GALNT12: variants seen among roughly 807,000 people sequenced by gnomAD.
GALNT12 encodes the protein polypeptide N-acetylgalactosaminyltransferase 12, also known as UDP-GalNAc:polypeptide N-acetylgalactosaminyltransferase 12.
A neutral mutation model predicts 55.5 loss-of-function variants in GALNT12; 45 were observed. That is an observed-to-expected ratio of 0.81 (90% CI 0.64 to 1.04). The LOEUF is 1.04. Among genes scored for constraint, GALNT12 ranks in the 50% least tolerant of loss-of-function variants. The pLI is 0.00. For synonymous variants in GALNT12, 304 were observed against 312.2 expected (o/e 0.97, Z 0.28); for missense variants, 709 against 754.8 (o/e 0.94, Z 0.71).
At chr9:98,842,519 T>C (rs915379002) in intron 7 of GALNT12, among the ~76,000 whole-genome samples, 11 of 152,088 alleles carry the variant, frequency 7.2e-5, no homozygotes, top group African/African-American at 2.4e-4. Context: ...TATATGAAAA[T>C]TGTTTTTGGC....
In GALNT12 at chr9:98,848,991, C is replaced by T. The variant is rs2118522703; in HGVS notation, c.1645C>T (p.Gln549Ter). The T allele has an allele frequency of 6.2e-7, 1 of 1,614,154 alleles. No homozygotes were observed. ...TCACGAACAGTCCAAGAAATGTGTCCAGGCTGCGAGGAAGGAGTCGAGTGA... is the reference window on the plus strand; with the variant it reads ...TCACGAACAGTCCAAGAAATGTGTCTAGGCTGCGAGGAAGGAGTCGAGTGA... ...LFHEQSKKCV[Q>*]AARKESSDSF... Residue 549 changes from glutamine (Q) to a stop codon, truncating the protein, a stop_gained, in exon 10 of 10, where the codon CAG becomes TAG. Coordinates refer to ENST00000375011, the MANE Select transcript of GALNT12 (RefSeq NM_024642.5). LOFTEE classifies it low-confidence loss of function (END_TRUNC).
At chr9:98,847,811 CTTTTTT>C (rs754967420) in intron 9 of GALNT12, among the ~76,000 whole-genome samples, 3 of 123,064 alleles carry the variant, frequency 2.4e-5, no homozygotes, top group Non-Finnish European at 1.7e-5. Flanking sequence ...AGGGCTGGAT[CTTTTTT>C]TTTTTTTTTT....
intron 1 of GALNT12, among the ~76,000 whole-genome samples, chr9:98,821,232 A>G (rs901126465): frequency 4.0e-5 from 6 of 151,838 alleles, no homozygotes; most frequent in African/African-American, 1.5e-4. Context: ...CTGGTCTCGA[A>G]CTCCTGGCCT....
intron 8 of GALNT12, among the ~76,000 whole-genome samples, 197 bp from the exon 9 acceptor site, chr9:98,845,780 G>A (rs1259528946): frequency 6.6e-6 from 1 of 152,094 alleles, no homozygotes; most frequent in Admixed American, 6.5e-5. Flanking sequence ...TTTCCTCCAC[G>A]CTCATGAAGC....
intron 1 of GALNT12, among the ~76,000 whole-genome samples, chr9:98,816,324 C>T (rs963695379): frequency 2.6e-5 from 4 of 151,104 alleles, no homozygotes; most frequent in Admixed American, 2.6e-4. Flanking sequence ...AAATGAAGAG[C>T]CCACCTAGAC....
In GALNT12 at chr9:98,849,669, C is replaced by CCG; in HGVS notation, c.*577_*578insCG. 1 of 408,038 alleles carries CCG rather than the reference C, an allele frequency of 2.5e-6. No homozygotes were observed. The highest frequency in any genetic ancestry group is 1.1e-4 in the South Asian group (1 of 9,048). The allele number at this position is 408,038 out of a possible 1,614,324, so 25.3% of individuals were successfully genotyped here. A position where few individuals can be genotyped will look rare whatever the true frequency, so the allele number is the denominator to read the frequency against. On this transcript the variant is annotated 3_prime_UTR_variant, in exon 10 of 10. Coordinates refer to ENST00000375011, the MANE Select transcript of GALNT12 (RefSeq NM_024642.5). Reference sequence around the variant, plus strand: ...GCTTTTTGGTTATGTGTTGCTACCACAGTTAACACTCCATAATGTTCATGT... The same window carrying CCG: ...GCTTTTTGGTTATGTGTTGCTACCACCGAGTTAACACTCCATAATGTTCATGT...
Position 98,849,009 on chromosome 9 carries a change from T to A in GALNT12, c.1663T>A (p.Ser555Thr). Residue 555 changes from serine to threonine, a missense_variant, in exon 10 of 10, where the codon TCG becomes ACG. By Grantham distance (58) the Ser-to-Thr change is moderately conservative (BLOSUM62 1). Transcript: ENST00000375011. ...ATGTGTCCAGGCTGCGAGGAAGGAG[T>A]CGAGTGACAGTTTCGTTCCACTCTT... ...KKCVQAARKESSDSFVPLLRD... is the reference protein window; with the variant it reads ...KKCVQAARKETSDSFVPLLRD... 1 of 1,613,892 alleles carries A rather than the reference T, an allele frequency of 6.2e-7. No homozygotes were observed. The highest frequency in any genetic ancestry group is 8.5e-7 in the Non-Finnish European group (1 of 1,179,956).
Position 98,807,990 on chromosome 9 carries a change from G to C in GALNT12, c.292G>C (p.Val98Leu), listed in dbSNP as rs749211809. 1 of 1,529,454 alleles carries C rather than the reference G, an allele frequency of 6.5e-7. No homozygotes were observed. Among genetic ancestry groups the C allele is most frequent in the South Asian group, 1.2e-5 (1 of 81,902 alleles). 94.7% of individuals were successfully genotyped at this position (1,529,454 alleles called of 1,614,324 possible). A position where few individuals can be genotyped will look rare whatever the true frequency, so the allele number is the denominator to read the frequency against. Residue 98 changes from valine to leucine, a missense_variant, in exon 1 of 10, where the codon GTG becomes CTG. Coordinates refer to ENST00000375011, the MANE Select transcript of GALNT12 (RefSeq NM_024642.5). ...GGAGCTGCGGCTGCAGGAGGAGAGCGTGCGGCTGCACCAGATTAACATCTA... is the reference window on the plus strand; with the variant it reads ...GGAGCTGCGGCTGCAGGAGGAGAGCCTGCGGCTGCACCAGATTAACATCTA... ...GEELRLQEES[V>L]RLHQINIYLS...
chr9:98,818,029 AT>A (rs1306000233), intron 1 of GALNT12, among the ~76,000 whole-genome samples: 4 of 152,158 alleles, frequency 2.6e-5, no homozygotes, highest in Non-Finnish European at 5.9e-5. Context: ...GGCCCATTTA[AT>A]CACTTTTTCT....
chr9:98,827,088 A>T, intron 3 of GALNT12, 147 bp downstream of exon 3: 1 of 862,028 alleles, frequency 1.2e-6, no homozygotes, highest in South Asian at 1.5e-5. Context: ...GTCCCTGCTT[A>T]GTTCGGCTGT....
intron 9 of GALNT12, among the ~76,000 whole-genome samples, chr9:98,848,283 T>C (rs1191494470): frequency 6.6e-6 from 1 of 152,202 alleles, no homozygotes; most frequent in Non-Finnish European, 1.5e-5. Context: ...TGCTCAGCCA[T>C]GATTAAGTTC....
At chr9:98,848,391 G>T (rs1395830906) in intron 9 of GALNT12, among the ~76,000 whole-genome samples, 1 of 152,184 alleles carries the variant, frequency 6.6e-6, no homozygotes, top group African/African-American at 2.4e-5. Context: ...CTGGCAGAAA[G>T]GAGAGAAGCA....
intron 8 of GALNT12, chr9:98,844,469 A>G: frequency 2.2e-6 from 1 of 455,666 alleles, no homozygotes. Flanking sequence ...CATTCCCTTC[A>G]TCTACTTTTC....
At chr9:98,825,605 T>C (rs898708134) in intron 2 of GALNT12, among the ~76,000 whole-genome samples, 4 of 152,244 alleles carry the variant, frequency 2.6e-5, no homozygotes, top group Non-Finnish European at 5.9e-5. Context: ...CTGGGTACAG[T>C]AGCTAATTAG....
Position 98,831,835 on chromosome 9 carries a change from C to A in GALNT12, c.795C>A (p.Phe265Leu), listed in dbSNP as rs774616588. The part of the protein sequence containing the change: ...PVIDVIDWNT[F>L]EYLGNSGEPQ... ...TTGATGTGATCGACTGGAACACCTT[C>A]GAATACCTGGGGAACTCCGGGGAGC... The change falls in exon 4 of 10, where the codon TTC (phenylalanine) becomes TTA (leucine). Residue 265 changes from phenylalanine (F) to leucine (L), a missense_variant. Phe to Leu is a conservative substitution (Grantham distance 22, BLOSUM62 0). Coordinates refer to ENST00000375011, the MANE Select transcript of GALNT12 (RefSeq NM_024642.5). 1.9e-6 allele frequency: 3 copies of A among 1,614,184 alleles called. No homozygotes were observed. The highest frequency in any genetic ancestry group is 2.5e-6 in the Non-Finnish European group (3 of 1,180,026).
chr9:98,831,738 A>G (rs774704610), intron 3 of GALNT12, 34 bp from the exon 4 acceptor site: 6 of 1,612,408 alleles, frequency 3.7e-6, no homozygotes, highest in African/African-American at 1.3e-5. Context: ...CCGTCTGCAT[A>G]GGAGAGACGG....
rs1807280016 is a variant in GALNT12, at chr9:98,836,976, G to C, written c.1040G>C (p.Trp347Ser). Residue 347 changes from tryptophan (W) to serine (S), a missense_variant, in exon 6 of 10, where the codon TGG (tryptophan) becomes TCG (serine). Around this residue, in one of 5 missense-constraint regions of GALNT12, gnomAD observed 262 missense variants for 310.7 expected, o/e 0.84. Coordinates refer to ENST00000375011, the MANE Select transcript of GALNT12 (RefSeq NM_024642.5). The part of the protein sequence containing the change: ...GENLEFSFRI[W>S]QCGGVLETHP... ...TCTCCTTTTCTCTGTGTGCAGATCTGGCAGTGTGGTGGGGTTCTGGAAACA... is the reference window on the plus strand; with the variant it reads ...TCTCCTTTTCTCTGTGTGCAGATCTCGCAGTGTGGTGGGGTTCTGGAAACA... The C allele has an allele frequency of 6.2e-7, 1 of 1,613,832 alleles. No individual in the cohort carries two copies. Among genetic ancestry groups the C allele is most frequent in the African/African-American group, 1.3e-5 (1 of 74,826 alleles).
intron 1 of GALNT12, among the ~76,000 whole-genome samples, chr9:98,814,921 A>G (rs775731092): frequency 1.3e-5 from 2 of 152,338 alleles, no homozygotes; most frequent in Non-Finnish European, 2.9e-5. Flanking sequence ...GCGTGCTGAA[A>G]ATACAGAGAC....
intron 1 of GALNT12, among the ~76,000 whole-genome samples, chr9:98,809,803 A>T (rs553279669): frequency 1.3e-5 from 2 of 152,282 alleles, no homozygotes; most frequent in Non-Finnish European, 2.9e-5. Context: ...CAGGTTGTGA[A>T]TATCTCTTTG....
Sources: gnomAD v4.1 joint callset for allele counts (sites outside exome capture counted in the v4.1 genomes callset) on GRCh38, gnomAD v4.1.1 for gene constraint, gnomAD v4.1.1 regional missense constraint, MANE v1.5 for transcripts, NCBI Gene and HGNC (gene_info 2026-07-23, HGNC 2026-07-21) for gene names.